Variants in PXDNL observed in about 807,000 individuals in gnomAD.
PXDNL encodes probable oxidoreductase PXDNL.
Under a neutral mutation model 150.8 loss-of-function variants are expected in PXDNL, and 145 were observed. The observed-to-expected ratio is 0.96, with a 90% CI of 0.84 to 1.10. PXDNL has a LOEUF of 1.10. Among genes scored for constraint, PXDNL ranks in the 50% least tolerant of loss-of-function variants. The pLI is 0.00. For missense variants in PXDNL, 2,087 were observed against 1,873.9 expected (o/e 1.11, Z -2.10); for synonymous variants, 757 against 725.7 (o/e 1.04, Z -0.69).
intron 19 of PXDNL, among the ~76,000 whole-genome samples, chr8:51,351,622 C>T (rs1431620): frequency 0.78 from 118,898 of 152,100 alleles, 46,620 homozygotes; most frequent in East Asian, 0.94. Flanking sequence ...AACTACCACA[C>T]GCAGCACATC....
chr8:51,515,141 T>G (rs907775296), intron 4 of PXDNL, among the ~76,000 whole-genome samples: 2 of 152,150 alleles, frequency 1.3e-5, no homozygotes, highest in Non-Finnish European at 2.9e-5. Flanking sequence ...CCCAGGTGGA[T>G]GCCTGCTGAG....
At chr8:51,768,393 A>T (rs905605579) in intron 1 of PXDNL, among the ~76,000 whole-genome samples, 8 of 152,158 alleles carry the variant, frequency 5.3e-5, no homozygotes, top group Non-Finnish European at 1.5e-5. Flanking sequence ...TTGATAATTA[A>T]GGCTTTATAT....
intron 12 of PXDNL, among the ~76,000 whole-genome samples, chr8:51,433,648 G>T (rs1809316718): frequency 6.6e-6 from 1 of 152,066 alleles, no homozygotes; most frequent in African/African-American, 2.4e-5. Context: ...CAATTAATTT[G>T]CTGGTTTCCT....
chr8:51,528,353 C>T (rs1270457948), intron 4 of PXDNL, among the ~76,000 whole-genome samples: 1 of 151,238 alleles, frequency 6.6e-6, no homozygotes, highest in Non-Finnish European at 1.5e-5. Flanking sequence ...GCGCAGATGC[C>T]CAATATATGT....
intron 1 of PXDNL, among the ~76,000 whole-genome samples, chr8:51,783,602 C>T (rs1172429208): frequency 6.6e-6 from 1 of 151,988 alleles, no homozygotes; most frequent in African/African-American, 2.4e-5. Context: ...ATAACTAAAC[C>T]GTATAAAAAT....
intron 17 of PXDNL, among the ~76,000 whole-genome samples, chr8:51,390,491 T>G (rs1459470496): frequency 6.6e-6 from 1 of 152,196 alleles, no homozygotes; most frequent in Non-Finnish European, 1.5e-5. Context: ...CTGGATGAAA[T>G]AAGTACAAAT....
intron 19 of PXDNL, among the ~76,000 whole-genome samples, chr8:51,356,244 C>T (rs1806503715): frequency 6.6e-6 from 1 of 152,164 alleles, no homozygotes; most frequent in African/African-American, 2.4e-5. Context: ...ATCCCAGCAC[C>T]TTGGGAGGCC....
chr8:51,364,196 TGG>T (rs1405647412), intron 19 of PXDNL, among the ~76,000 whole-genome samples: 16 of 152,232 alleles, frequency 1.1e-4, no homozygotes, highest in African/African-American at 3.6e-4. Flanking sequence ...AAGCTTTACA[TGG>T]TGATCTGACT....
chr8:51,795,460 T>C (rs1239575392), intron 1 of PXDNL, among the ~76,000 whole-genome samples: 2 of 152,174 alleles, frequency 1.3e-5, no homozygotes, highest in Admixed American at 6.5e-5. Flanking sequence ...CAGAATACAG[T>C]GCAATCAAAT....
At chr8:51,652,462 A>AC (rs1563496494) in intron 2 of PXDNL, among the ~76,000 whole-genome samples, 19 of 131,054 alleles carry the variant, frequency 1.4e-4, no homozygotes, top group African/African-American at 5.5e-4. Context: ...CACACACACA[A>AC]ACACACACAC....
intron 8 of PXDNL, 23 bp downstream of exon 8, chr8:51,472,164 C>A: frequency 6.8e-7 from 1 of 1,460,508 alleles, no homozygotes. Context: ...GAATCACAAC[C>A]CATGTCCATG....
chr8:51,636,395 A>G (rs1403825295), intron 2 of PXDNL, among the ~76,000 whole-genome samples: 1 of 152,196 alleles, frequency 6.6e-6, no homozygotes, highest in Admixed American at 6.6e-5. Context: ...CTGGAAAATA[A>G]GAAGTAAAAC....
In PXDNL at chr8:51,411,295, G is replaced by GT. The variant is rs780978422; in HGVS notation, c.2016dup (p.Arg673ThrfsTer21). The GT allele has an allele frequency of 5.8e-6, 9 of 1,556,596 alleles. No homozygotes were observed. Among genetic ancestry groups the GT allele is most frequent in the Admixed American group, 4.1e-5 (2 of 48,850 alleles). On this transcript the variant is annotated frameshift_variant, in exon 16 of 23. Coordinates refer to ENST00000356297, the MANE Select transcript of PXDNL (RefSeq NM_144651.5). LOFTEE classifies it high-confidence loss of function. The stretch of plus-strand genomic sequence containing the variant: ...GTGAGCCCCTGCTTCACACGTTCCC[G>GT]TATCAGCTGCAGCGTGTGCTCAAAA...
At chr8:51,694,443 A>C (rs1278577059) in intron 1 of PXDNL, among the ~76,000 whole-genome samples, 2 of 152,364 alleles carry the variant, frequency 1.3e-5, no homozygotes, top group East Asian at 3.9e-4. Context: ...CCTCGCAGAT[A>C]TGTTAAATAG....
rs747877258 is a variant in PXDNL, at chr8:51,409,531, C to T, written c.2093G>A (p.Arg698His). The change falls in exon 17 of 23, where the codon CGC (arginine) becomes CAC (histidine). Residue 698 changes from arginine (R) to histidine (H), a missense_variant. Coordinates refer to ENST00000356297, the MANE Select transcript of PXDNL (RefSeq NM_144651.5). ...EFRYNDLVSPRSLSLIANLSG... is the reference protein window; with the variant it reads ...EFRYNDLVSPHSLSLIANLSG... ...TAAATTGGCGATGAGGCTGAGGGAG[C>T]GCGGGGACACCAAGTCATTGTACCG... is the stretch of plus-strand genomic sequence containing the variant. The T allele has an allele frequency of 1.9e-6, 3 of 1,599,344 alleles. No individual in the cohort carries two copies. Among genetic ancestry groups the T allele is most frequent in the East Asian group, 2.3e-5 (1 of 44,070 alleles).
At position 51,472,173 on chromosome 8, in the gene PXDNL, T is replaced by A. The variant is rs367680133; in HGVS notation, c.812+14A>T. On this transcript the variant is annotated intron_variant, in intron 8 of 22. Coordinates refer to ENST00000356297, the MANE Select transcript of PXDNL (RefSeq NM_144651.5). ...GAAGGAGAATCACAACCCATGTCCA[T>A]GCTCAGTATTTACTTGTTGTGTATC... 7.2e-6 allele frequency: 11 copies of A among 1,530,242 alleles called. No homozygotes were observed. In the African/African-American group the frequency reaches 1.5e-4, roughly 21 times the overall value. 94.8% of individuals were successfully genotyped at this position (1,530,242 alleles called of 1,614,324 possible). A position where few individuals can be genotyped will look rare whatever the true frequency, so the allele number is the denominator to read the frequency against.
intron 2 of PXDNL, among the ~76,000 whole-genome samples, chr8:51,631,211 A>T (rs537135152): frequency 1.3e-5 from 2 of 152,144 alleles, no homozygotes; most frequent in Non-Finnish European, 2.9e-5. Flanking sequence ...GTTCTTACTT[A>T]TAAGTGGAAG....
At chr8:51,558,286 T>C (rs1172033501) in intron 3 of PXDNL, among the ~76,000 whole-genome samples, 1 of 152,072 alleles carries the variant, frequency 6.6e-6, no homozygotes, top group Non-Finnish European at 1.5e-5. Context: ...AGACTAGACA[T>C]TGAGATTCTT....
At chr8:51,577,235 C>A (rs1358682566) in intron 3 of PXDNL, among the ~76,000 whole-genome samples, 1 of 151,558 alleles carries the variant, frequency 6.6e-6, no homozygotes, top group African/African-American at 2.4e-5. Context: ...AATATGGATA[C>A]ACAAATTGTC....
Sources: allele counts gnomAD v4.1 joint callset (sites outside exome capture counted in the v4.1 genomes callset), GRCh38; gene constraint gnomAD v4.1.1; transcripts MANE v1.5; gene names NCBI Gene and HGNC (gene_info 2026-07-23, HGNC 2026-07-21).